SPMAP2L: variants seen among roughly 807,000 people sequenced by gnomAD.
The protein encoded by SPMAP2L is sperm microtubule associated protein 2-like.
the SPMAP2L span, chr4:56,596,495 C>T: frequency 2.5e-5 from 38 of 1,513,580 alleles, no homozygotes; most frequent in Non-Finnish European, 2.9e-5. Context: ...ATTTTTCTCC[C>T]CTAGATGCAA....
chr4:56,581,451 A>G, the SPMAP2L span, among the ~76,000 whole-genome samples: 6 of 151,026 alleles, frequency 4.0e-5, no homozygotes, highest in Non-Finnish European at 7.4e-5. Flanking sequence ...GTGAAACTCC[A>G]TCTCCAAAAA....
the SPMAP2L span, among the ~76,000 whole-genome samples, chr4:56,610,351 A>G: frequency 6.6e-6 from 1 of 152,216 alleles, no homozygotes; most frequent in Non-Finnish European, 1.5e-5. Context: ...TGGGGAAAGG[A>G]CACCCTATTC....
the SPMAP2L span, among the ~76,000 whole-genome samples, chr4:56,539,985 C>T: frequency 1.1e-3 from 168 of 152,268 alleles, no homozygotes; most frequent in African/African-American, 3.9e-3. Context: ...TTCTCTATTC[C>T]AAAGCTTAAA....
chr4:56,617,698 C>T, the SPMAP2L span, among the ~76,000 whole-genome samples: 1 of 152,160 alleles, frequency 6.6e-6, no homozygotes, highest in Non-Finnish European at 1.5e-5. Flanking sequence ...CATTTAGACC[C>T]CCTTCCTTAT....
the SPMAP2L span, among the ~76,000 whole-genome samples, chr4:56,538,170 C>A: frequency 6.6e-6 from 1 of 152,172 alleles, no homozygotes; most frequent in African/African-American, 2.4e-5. Flanking sequence ...AAGCTTCCTG[C>A]AGCAGTGTGT....
the SPMAP2L span, among the ~76,000 whole-genome samples, chr4:56,610,777 G>A: frequency 1.1e-3 from 170 of 152,160 alleles, 1 homozygote; most frequent in African/African-American, 3.7e-3. Context: ...TTAAAAGGTG[G>A]GCTAAGGATA....
At chr4:56,598,459 G>C in the SPMAP2L span, among the ~76,000 whole-genome samples, 1 of 152,178 alleles carries the variant, frequency 6.6e-6, no homozygotes, top group Non-Finnish European at 1.5e-5. Flanking sequence ...CTATGAAGAA[G>C]ATTAAGTAAG....
chr4:56,609,838 T>C, the SPMAP2L span, among the ~76,000 whole-genome samples: 4 of 152,208 alleles, frequency 2.6e-5, no homozygotes, highest in African/African-American at 9.7e-5. Flanking sequence ...TCCAGTGTCT[T>C]GATTTTGAAC....
the SPMAP2L span, among the ~76,000 whole-genome samples, chr4:56,568,697 TA>T: frequency 6.6e-6 from 1 of 152,192 alleles, no homozygotes; most frequent in Admixed American, 6.5e-5. Context: ...TTAAAGTGTA[TA>T]AATTAGAGTT....
At chr4:56,611,814 G>A in the SPMAP2L span, among the ~76,000 whole-genome samples, 2,426 of 152,058 alleles carry the variant, frequency 0.016, 71 homozygotes, top group African/African-American at 0.054. Flanking sequence ...AGCCAAATAC[G>A]CTCCCTAAGC....
the SPMAP2L span, chr4:56,530,956 C>T: frequency 6.5e-6 from 10 of 1,535,216 alleles, no homozygotes; most frequent in African/African-American, 1.4e-4. Context: ...GCCCCACAAG[C>T]CCCGGGACTC....
chr4:56,537,055 C>T, the SPMAP2L span, among the ~76,000 whole-genome samples: 4 of 152,280 alleles, frequency 2.6e-5, no homozygotes, highest in African/African-American at 4.8e-5. Flanking sequence ...TGAGCCACCA[C>T]GCCCGGCCAA....
chr4:56,603,160 C>A, the SPMAP2L span: 1 of 1,327,984 alleles, frequency 7.5e-7, no homozygotes, highest in Non-Finnish European at 1.0e-6. Flanking sequence ...CATTAGCTAC[C>A]TTCTCTGTTC....
chr4:56,584,597 C>T, the SPMAP2L span: 22 of 1,534,654 alleles, frequency 1.4e-5, no homozygotes, highest in Non-Finnish European at 1.9e-5. Flanking sequence ...CCCAAACTAT[C>T]ATCCTTCAAA....
chr4:56,625,065 C>G, the SPMAP2L span, among the ~76,000 whole-genome samples: 1 of 152,208 alleles, frequency 6.6e-6, no homozygotes, highest in African/African-American at 2.4e-5. Flanking sequence ...TACAGCTGCT[C>G]AAGACCATGG....
At chr4:56,572,213 T>A in the SPMAP2L span, among the ~76,000 whole-genome samples, 1 of 152,230 alleles carries the variant, frequency 6.6e-6, no homozygotes, top group African/African-American at 2.4e-5. Flanking sequence ...TATTATGTAC[T>A]GTACATAATT....
the SPMAP2L span, among the ~76,000 whole-genome samples, chr4:56,557,123 C>A: frequency 6.6e-6 from 1 of 151,750 alleles, no homozygotes; most frequent in African/African-American, 2.4e-5. Flanking sequence ...GTGGCACGTG[C>A]CTGTAGTCCC....
the SPMAP2L span, among the ~76,000 whole-genome samples, chr4:56,543,642 A>G: frequency 6.6e-6 from 1 of 152,028 alleles, no homozygotes; most frequent in Admixed American, 6.5e-5. Flanking sequence ...CAGTGAGCCA[A>G]TTGCGCCACT....
chr4:56,548,718 G>T, the SPMAP2L span: 2 of 1,060,598 alleles, frequency 1.9e-6, no homozygotes, highest in South Asian at 2.2e-5. Flanking sequence ...CTTTTAATTT[G>T]TGATGCTATC....
Sources: gnomAD v4.1 joint callset for allele counts (sites outside exome capture counted in the v4.1 genomes callset) on GRCh38, gnomAD v4.1.1 for gene constraint, MANE v1.5 for transcripts, NCBI Gene and HGNC (gene_info 2026-07-23, HGNC 2026-07-21) for gene names.